Variants in CFAP53 observed in about 807,000 individuals in gnomAD.
CFAP53 encodes cilia and flagella associated protein 53.
Under a neutral mutation model 59.7 loss-of-function variants are expected in CFAP53, and 62 were observed. The ratio of observed to expected loss-of-function variants is 1.04; its 90% CI spans 0.85 to 1.28. The LOEUF (loss-of-function observed/expected upper bound fraction) is 1.28, where lower values mean the gene tolerates loss of function less well. CFAP53 is among the 50% of genes most tolerant of loss of function. The probability of loss-of-function intolerance (pLI) is 0.00; values close to 1 mark genes in which losing one functional copy is unlikely to be tolerated. For missense variants in CFAP53, 629 were observed against 615.6 expected (o/e 1.02, Z -0.23); for synonymous variants, 218 against 205.7 (o/e 1.06, Z -0.51).
At chr18:50,255,656 T>C (rs2033840437) in intron 3 of CFAP53, among the ~76,000 whole-genome samples, 1 of 152,096 alleles carries the variant, frequency 6.6e-6, no homozygotes, top group South Asian at 2.1e-4. Context: ...AATTTTGCTG[T>C]ATAGAAGATA....
At chr18:50,251,413 A>C in intron 4 of CFAP53, 68 bp downstream of exon 4, 1 of 1,374,060 alleles carries the variant, frequency 7.3e-7, no homozygotes, top group Non-Finnish European at 1.0e-6. Context: ...ACTGTACTGT[A>C]ACAGGCCTGC....
chr18:50,249,381 G>A (rs1343679052), intron 5 of CFAP53, among the ~76,000 whole-genome samples: 1 of 151,600 alleles, frequency 6.6e-6, no homozygotes, highest in African/African-American at 2.4e-5. Context: ...AGCTGAGCAT[G>A]GTGGCTTGTG....
intron 5 of CFAP53, among the ~76,000 whole-genome samples, chr18:50,245,062 C>CAAAAA (rs11358725): frequency 1.2e-5 from 1 of 81,682 alleles, no homozygotes; most frequent in Non-Finnish European, 2.4e-5. Flanking sequence ...GACTCTATCT[C>CAAAAA]AAAAAAAAAA....
chr18:50,254,815 C>T (rs2144427553), intron 3 of CFAP53, among the ~76,000 whole-genome samples: 1 of 152,260 alleles, frequency 6.6e-6, no homozygotes. Context: ...CACTTGAACC[C>T]AGGAGGCAGA....
intron 2 of CFAP53, 54 bp from the exon 3 acceptor site, chr18:50,261,291 G>A: frequency 7.0e-7 from 1 of 1,429,642 alleles, no homozygotes; most frequent in Admixed American, 3.1e-5. Flanking sequence ...CATGCTACAT[G>A]CATCGTTATA....
intron 3 of CFAP53, among the ~76,000 whole-genome samples, chr18:50,257,927 G>A (rs191162553): frequency 1.2e-4 from 19 of 152,250 alleles, no homozygotes; most frequent in Middle Eastern, 3.4e-3. Flanking sequence ...CTACTTGGGA[G>A]GCTGAGGCAG....
chr18:50,266,243 GC>G lies in CFAP53; in HGVS notation c.69+92del. The G allele has an allele frequency of 4.1e-6, 5 of 1,214,970 alleles. No individual in the cohort carries two copies. In the East Asian group the frequency reaches 7.0e-5, roughly 17 times the overall value. The allele number at this position is 1,214,970 out of a possible 1,614,324, so 75.3% of individuals were successfully genotyped here. ...GGCGACACCCGTTCCCCTCGAGAAG[GC>G]CCCGGGTGGGGGCCGAAGTGGGATA... is the stretch of plus-strand genomic sequence containing the variant. On this transcript the variant is annotated intron_variant, in intron 1 of 7. Transcript: ENST00000398545.
chr18:50,262,325 TA>T (rs1308988064), intron 1 of CFAP53, 106 bp from the exon 2 acceptor site: 6 of 867,750 alleles, frequency 6.9e-6, no homozygotes, highest in Admixed American at 2.4e-5. Context: ...AAATTGGGTA[TA>T]AAAAACTAAT....
chr18:50,236,412 G>A (rs1200608230), intron 7 of CFAP53, among the ~76,000 whole-genome samples: 1 of 152,230 alleles, frequency 6.6e-6, no homozygotes, highest in African/African-American at 2.4e-5. Flanking sequence ...TCAAGAGGTG[G>A]AGCTTCTATC....
intron 3 of CFAP53, among the ~76,000 whole-genome samples, chr18:50,252,237 G>A (rs576802631): frequency 1.3e-5 from 2 of 152,156 alleles, no homozygotes; most frequent in Non-Finnish European, 2.9e-5. Context: ...CTGAGTAGCT[G>A]GGACTACAGG....
intron 3 of CFAP53, 49 bp from the exon 4 acceptor site, chr18:50,251,833 TG>T (rs1355490104): frequency 1.7e-5 from 26 of 1,496,490 alleles, no homozygotes; most frequent in Non-Finnish European, 2.4e-5. Context: ...CGTGAGGCAC[TG>T]CTCTATTGAG....
intron 3 of CFAP53, among the ~76,000 whole-genome samples, chr18:50,260,482 C>T (rs530126547): frequency 2.0e-5 from 3 of 152,102 alleles, no homozygotes; most frequent in South Asian, 2.1e-4. Flanking sequence ...CGCAACATGA[C>T]GAAACCCCCA....
chr18:50,247,566 T>A (rs2033756879), intron 5 of CFAP53, among the ~76,000 whole-genome samples: 3 of 152,210 alleles, frequency 2.0e-5, no homozygotes, highest in African/African-American at 7.2e-5. Context: ...CAAATGTCCA[T>A]CAACTGACAT....
chr18:50,238,402 A>C (rs898812759), intron 7 of CFAP53, among the ~76,000 whole-genome samples: 1 of 152,174 alleles, frequency 6.6e-6, no homozygotes, highest in African/African-American at 2.4e-5. Flanking sequence ...CTATGTCACC[A>C]TATCTGGCTA....
At chr18:50,266,185 C>G (rs2033968610) in intron 1 of CFAP53, 151 bp downstream of exon 1, 7 of 683,644 alleles carry the variant, frequency 1.0e-5, no homozygotes, top group South Asian at 1.8e-5. Flanking sequence ...GCGACCTTAT[C>G]TTCCTTCTTT....
In CFAP53 at chr18:50,252,375, A is replaced by G. The variant is rs571972304; in HGVS notation, c.474-591T>C. ...CACCTCAGCCTCCCAAAGTGCTGGGATTAGAGGCGTGAGCCACCGTACCCA... is the reference window on the plus strand; with the variant it reads ...CACCTCAGCCTCCCAAAGTGCTGGGGTTAGAGGCGTGAGCCACCGTACCCA... On this transcript the variant is annotated intron_variant, in intron 3 of 7. Transcript: ENST00000398545. Among the ~76,000 whole-genome samples the G allele has an allele frequency of 8.6e-5, 13 of 151,878 alleles. No individual in the cohort carries two copies. In the East Asian group the frequency reaches 2.3e-3, roughly 27 times the overall value.
At chr18:50,241,154 T>C (rs1489264933) in intron 6 of CFAP53, among the ~76,000 whole-genome samples, 1 of 152,232 alleles carries the variant, frequency 6.6e-6, no homozygotes, top group Non-Finnish European at 1.5e-5. Context: ...AGCACAGATG[T>C]AACTTTCAGA....
chr18:50,260,427 T>A (rs1223143085), intron 3 of CFAP53, among the ~76,000 whole-genome samples: 2 of 152,090 alleles, frequency 1.3e-5, no homozygotes, highest in East Asian at 3.9e-4. Flanking sequence ...TTTGGGTAGC[T>A]GAGGTGAGTG....
At chr18:50,261,893 G>A (rs2033896882) in intron 2 of CFAP53, 97 bp downstream of exon 2, 1 of 872,952 alleles carries the variant, frequency 1.1e-6, no homozygotes, top group Non-Finnish European at 1.9e-6. Context: ...AAACATCTCA[G>A]CCATGATCCT....
Sources: allele counts gnomAD v4.1 joint callset (sites outside exome capture counted in the v4.1 genomes callset), GRCh38; gene constraint gnomAD v4.1.1; transcripts MANE v1.5; gene names NCBI Gene and HGNC (gene_info 2026-07-23, HGNC 2026-07-21).